The following SHANK2 variants were observed in gnomAD, a reference collection of about 807,000 sequenced individuals.
The protein encoded by SHANK2 is SH3 and multiple ankyrin repeat domains protein 2.
Under a neutral mutation model 133.7 loss-of-function variants are expected in SHANK2, and 43 were observed. That is an observed-to-expected ratio of 0.32 (90% CI 0.25 to 0.41). The LOEUF (loss-of-function observed/expected upper bound fraction) is 0.41, where lower values mean the gene tolerates loss of function less well. Ranked by LOEUF, SHANK2 falls within the 10% of genes least tolerant of loss-of-function variation. The pLI is 1.00. For missense variants in SHANK2, 1,994 were observed against 2,235.8 expected (o/e 0.89, Z 2.18); for synonymous variants, 1,017 against 952.8 (o/e 1.07, Z -1.24).
At chr11:70,781,265 A>C (rs1947479821) in intron 14 of SHANK2, among the ~76,000 whole-genome samples, 1 of 151,838 alleles carries the variant, frequency 6.6e-6, no homozygotes, top group Non-Finnish European at 1.5e-5. Flanking sequence ...TGGAGATTGG[A>C]GGAAAACCAT....
chr11:70,803,229 C>T (rs1555050937), intron 13 of SHANK2, among the ~76,000 whole-genome samples: 1 of 150,520 alleles, frequency 6.6e-6, no homozygotes, highest in Non-Finnish European at 1.5e-5. Context: ...CACTCACTCA[C>T]CACCTATCCA....
chr11:70,644,762 G>A (rs1424299441), intron 17 of SHANK2, among the ~76,000 whole-genome samples: 1 of 152,216 alleles, frequency 6.6e-6, no homozygotes, highest in Middle Eastern at 3.2e-3. Context: ...ACTTTGCTGT[G>A]CTCATTTCAT....
rs532855805 is a variant in SHANK2 at position 71,121,891 on chromosome 11, A to G, written c.208-2859T>C. 5.4e-4 allele frequency among the ~76,000 whole-genome samples: 83 copies of G among 152,362 alleles called. No individual in the cohort carries two copies. The South Asian group carries it at 9.1e-3, about 17-fold the overall frequency. On this transcript the variant is annotated intron_variant, in intron 3 of 25. Coordinates refer to ENST00000601538, the MANE Select transcript of SHANK2 (RefSeq NM_012309.5). ...ATTTATGCAGCCAACAGACACATGA[A>G]AAAATGCTCATCATCACTGGTCATC... is the stretch of plus-strand genomic sequence containing the variant.
At chr11:70,815,930 C>G (rs191150914) in intron 12 of SHANK2, among the ~76,000 whole-genome samples, 1 of 152,200 alleles carries the variant, frequency 6.6e-6, no homozygotes, top group African/African-American at 2.4e-5. Context: ...CCTGGCCAGT[C>G]GCCTCCCTGC....
At chr11:70,894,990 T>C (rs1415456193) in intron 11 of SHANK2, among the ~76,000 whole-genome samples, 1 of 152,250 alleles carries the variant, frequency 6.6e-6, no homozygotes, top group Non-Finnish European at 1.5e-5. Flanking sequence ...CTAAATCATT[T>C]TGCAGACATT....
At chr11:71,177,035 G>T (rs1425696273) in intron 2 of SHANK2, among the ~76,000 whole-genome samples, 1 of 152,210 alleles carries the variant, frequency 6.6e-6, no homozygotes, top group African/African-American at 2.4e-5. Flanking sequence ...TGATGGAAAT[G>T]ATTCAAGTGA....
intron 11 of SHANK2, among the ~76,000 whole-genome samples, chr11:70,876,277 C>CACACACAT (rs55729926): frequency 6.7e-6 from 1 of 148,402 alleles, no homozygotes; most frequent in East Asian, 2.0e-4. Flanking sequence ...CACACACACA[C>CACACACAT]TTGGCTGGGT....
At chr11:70,635,905 A>C (rs535359) in intron 17 of SHANK2, among the ~76,000 whole-genome samples, 63,857 of 152,146 alleles carry the variant, frequency 0.42, 13,833 homozygotes, top group Middle Eastern at 0.49. Context: ...CTAGGCCTTG[A>C]CACAGCCTGA....
chr11:70,851,049 C>T (rs931473644), intron 11 of SHANK2, among the ~76,000 whole-genome samples: 11 of 152,200 alleles, frequency 7.2e-5, no homozygotes. Flanking sequence ...CACAGGAAGG[C>T]TGGGACCCAG....
rs371458552 is a variant in SHANK2, at chr11:70,503,009, CAT to C, written c.2062-80_2062-79del. The C allele has an allele frequency of 6.4e-5, 98 of 1,525,434 alleles. No individual in the cohort carries two copies. In the African/African-American group the frequency reaches 1.1e-3, roughly 17 times the overall value. The allele number at this position is 1,525,434 out of a possible 1,614,324, so 94.5% of individuals were successfully genotyped here. A position where few individuals can be genotyped will look rare whatever the true frequency, so the allele number is the denominator to read the frequency against. ...AGTTGGCACCCACCCAAGGCAGAGA[CAT>C]GTGGGCTCCTAAAAAGGGGGCAAAT... On this transcript the variant is annotated intron_variant, in intron 17 of 25. Coordinates refer to ENST00000601538, the MANE Select transcript of SHANK2 (RefSeq NM_012309.5).
intron 2 of SHANK2, among the ~76,000 whole-genome samples, chr11:71,187,991 A>T (rs1397534549): frequency 2.6e-5 from 4 of 152,134 alleles, no homozygotes; most frequent in Admixed American, 6.5e-5. Context: ...ACTGACCTTC[A>T]TCTCTGATCC....
At position 70,897,373 on chromosome 11, in the gene SHANK2, G is replaced by A. The variant is rs894263358; in HGVS notation, c.1108-806C>T. 5.9e-5 allele frequency among the ~76,000 whole-genome samples: 9 copies of A among 152,332 alleles called. No homozygotes were observed. The South Asian group carries it at 1.7e-3, about 28-fold the overall frequency. On this transcript the variant is annotated intron_variant, in intron 10 of 25. Coordinates refer to ENST00000601538, the MANE Select transcript of SHANK2 (RefSeq NM_012309.5). ...AGAAATACACATACATCTACAATGC[G>A]CTGATGTCAAGTCATAATGTAAGTG...
At chr11:70,812,217 G>A (rs950914015) in intron 12 of SHANK2, among the ~76,000 whole-genome samples, 11 of 152,312 alleles carry the variant, frequency 7.2e-5, no homozygotes, top group African/African-American at 2.4e-4. Flanking sequence ...CTCTTTGCAG[G>A]AATCAGTTCC....
chr11:70,575,652 G>A (rs61885903), intron 17 of SHANK2, among the ~76,000 whole-genome samples: 6,011 of 150,992 alleles, frequency 0.04, 192 homozygotes, highest in Middle Eastern at 0.09. Context: ...TTCCACATGT[G>A]TTTTGCAATG....
chr11:70,833,618 G>A (rs1333956077), intron 11 of SHANK2, among the ~76,000 whole-genome samples: 9 of 152,262 alleles, frequency 5.9e-5, no homozygotes, highest in African/African-American at 2.2e-4. Flanking sequence ...AGCAAGCACA[G>A]TGATGATGGT....
intron 17 of SHANK2, among the ~76,000 whole-genome samples, chr11:70,530,509 C>G (rs1212454398): frequency 2.0e-5 from 3 of 152,118 alleles, no homozygotes; most frequent in Non-Finnish European, 4.4e-5. Flanking sequence ...GCACTCCTGC[C>G]TGGGTGACAG....
At chr11:70,912,836 T>C (rs186282345) in intron 10 of SHANK2, among the ~76,000 whole-genome samples, 249 of 152,318 alleles carry the variant, frequency 1.6e-3, no homozygotes, top group Middle Eastern at 6.8e-3. Context: ...GGGGTTTTAT[T>C]TGGTCAGCTT....
chr11:71,094,086 C>A (rs1162150563), intron 7 of SHANK2, among the ~76,000 whole-genome samples: 11 of 152,198 alleles, frequency 7.2e-5, no homozygotes, highest in Middle Eastern at 3.4e-3. Context: ...TGTGTCCCCT[C>A]CCAAATCTCA....
chr11:70,578,947 A>G (rs572120569), intron 17 of SHANK2, among the ~76,000 whole-genome samples: 7 of 152,232 alleles, frequency 4.6e-5, no homozygotes, highest in Admixed American at 2.6e-4. Context: ...GCATTCCCAC[A>G]CACCTCAGCA....
Sources: allele counts gnomAD v4.1 joint callset (sites outside exome capture counted in the v4.1 genomes callset), GRCh38; gene constraint gnomAD v4.1.1; transcripts MANE v1.5; gene names NCBI Gene and HGNC (gene_info 2026-07-23, HGNC 2026-07-21).